MMP26: variants seen among roughly 807,000 people sequenced by gnomAD.
The protein encoded by MMP26 is matrix metallopeptidase 26, also known as matrix metalloproteinase-26.
In MMP26, 33 loss-of-function variants were observed where a neutral mutation model predicts 31.0. That is an observed-to-expected ratio of 1.06 (90% CI 0.81 to 1.42). MMP26 has a LOEUF of 1.42. Among genes scored for constraint, MMP26 ranks in the 40% most tolerant of loss-of-function variants. MMP26 has a pLI of 0.00. For synonymous variants in MMP26, 122 were observed against 114.9 expected (o/e 1.06, Z -0.40); for missense variants, 347 against 316.1 (o/e 1.10, Z -0.74).
chr11:4,856,830 C>G (rs1236217417), intron 2 of MMP26, among the ~76,000 whole-genome samples: 2 of 152,188 alleles, frequency 1.3e-5, no homozygotes, highest in African/African-American at 4.8e-5. Context: ...AAGTAAAGCA[C>G]TCCTCAGCAA....
rs377311197 is a variant in MMP26, at chr11:4,768,316, A to G, written c.-145+975A>G. Reference sequence around the variant, plus strand: ...TTGGACTGTCCAACACTGGATAGTGACTCACATGCCATGACATATCTATTC... The same window carrying G: ...TTGGACTGTCCAACACTGGATAGTGGCTCACATGCCATGACATATCTATTC... On this transcript the variant is annotated intron_variant, in intron 2 of 7. Coordinates refer to ENST00000380390, the MANE Select transcript of MMP26 (RefSeq NM_021801.5). Among the ~76,000 whole-genome samples the G allele has an allele frequency of 2.4e-4, 37 of 152,312 alleles. 1 individual carries two copies. Among genetic ancestry groups the G allele is most frequent in the African/African-American group, 8.9e-4 (37 of 41,558 alleles).
chr11:4,738,961 A>G (rs1848277938), intron 1 of MMP26, among the ~76,000 whole-genome samples: 1 of 150,826 alleles, frequency 6.6e-6, no homozygotes, highest in Admixed American at 6.6e-5. Flanking sequence ...ACCTTGCTAG[A>G]GTTTTTTCTA....
chr11:4,709,709 C>T, intron 1 of MMP26: 1 of 460,034 alleles, frequency 2.2e-6, no homozygotes, highest in African/African-American at 2.0e-5. Context: ...ATGGCATGAT[C>T]CTGTTTGTCA....
intron 1 of MMP26, chr11:4,710,680 T>C: frequency 3.0e-6 from 1 of 338,326 alleles, no homozygotes; most frequent in South Asian, 2.4e-5. Context: ...TGGTGAGTTA[T>C]TTAAGGGCAG....
intron 2 of MMP26, among the ~76,000 whole-genome samples, chr11:4,824,887 T>C (rs1253447235): frequency 1.3e-5 from 2 of 152,126 alleles, no homozygotes. Flanking sequence ...TACTACCACA[T>C]ACTTCCACTG....
At chr11:4,830,808 C>T (rs1424183379) in intron 2 of MMP26, among the ~76,000 whole-genome samples, 1 of 152,168 alleles carries the variant, frequency 6.6e-6, no homozygotes, top group Non-Finnish European at 1.5e-5. Flanking sequence ...GAGACAGACA[C>T]CTGCACTGGT....
At chr11:4,709,742 T>C (rs1847833411) in intron 1 of MMP26, 1 of 461,056 alleles carries the variant, frequency 2.2e-6, no homozygotes, top group South Asian at 1.5e-5. Context: ...CAAGCCTCCA[T>C]GAACCCATGT....
intron 2 of MMP26, among the ~76,000 whole-genome samples, chr11:4,902,265 A>G (rs747133073): frequency 6.7e-6 from 1 of 150,348 alleles, no homozygotes; most frequent in Non-Finnish European, 1.5e-5. Context: ...GCAACCAGTG[A>G]TGTGGTTCCT....
intron 2 of MMP26, among the ~76,000 whole-genome samples, chr11:4,839,198 G>A (rs1030426740): frequency 6.6e-6 from 1 of 152,110 alleles, no homozygotes; most frequent in Admixed American, 6.5e-5. Flanking sequence ...TGGACTTCCT[G>A]TAAACCTCAC....
chr11:4,809,170 T>C (rs1849317379), intron 2 of MMP26, among the ~76,000 whole-genome samples: 1 of 152,152 alleles, frequency 6.6e-6, no homozygotes, highest in Non-Finnish European at 1.5e-5. Context: ...AACACTGCTT[T>C]TAAATCTGTT....
intron 2 of MMP26, among the ~76,000 whole-genome samples, chr11:4,879,804 A>G (rs1000041870): frequency 1.3e-5 from 2 of 152,238 alleles, no homozygotes; most frequent in African/African-American, 4.8e-5. Context: ...GGGATGTAGG[A>G]ATGGCCAGGA....
intron 2 of MMP26, among the ~76,000 whole-genome samples, chr11:4,834,509 A>G (rs563618740): frequency 1.1e-4 from 17 of 152,302 alleles, no homozygotes; most frequent in African/African-American, 3.8e-4. Flanking sequence ...AATAAGATAT[A>G]GTGTAACTCT....
chr11:4,977,900 G>A (rs563294805), intron 2 of MMP26, among the ~76,000 whole-genome samples: 1 of 152,140 alleles, frequency 6.6e-6, no homozygotes, highest in East Asian at 1.9e-4. Flanking sequence ...TGATATGGTA[G>A]GCTTTGTGTC....
intron 2 of MMP26, chr11:4,907,580 A>G (rs200603348): frequency 6.2e-7 from 1 of 1,614,046 alleles, no homozygotes; most frequent in South Asian, 1.1e-5. Context: ...TGTCTCTGAC[A>G]TGGGCCTGTC....
chr11:4,907,943 A>T, intron 2 of MMP26: 2 of 1,614,158 alleles, frequency 1.2e-6, no homozygotes, highest in South Asian at 2.2e-5. Flanking sequence ...CTGCTCTGAC[A>T]ACAAGACCAA....
At chr11:4,716,132 A>C (rs931069447) in intron 1 of MMP26, among the ~76,000 whole-genome samples, 3 of 152,184 alleles carry the variant, frequency 2.0e-5, no homozygotes, top group African/African-American at 7.2e-5. Flanking sequence ...CAAGGAACTA[A>C]ATTCCTACGG....
intron 1 of MMP26, chr11:4,723,048 C>G: frequency 8.8e-7 from 1 of 1,140,614 alleles, no homozygotes; most frequent in Non-Finnish European, 1.3e-6. Context: ...GCCAGTTTGA[C>G]TTTCATCAGC....
rs1358194779 is a variant in MMP26, at chr11:4,847,416, A to T, written c.-145+80075A>T. On this transcript the variant is annotated intron_variant, in intron 2 of 7. Coordinates refer to ENST00000380390, the MANE Select transcript of MMP26 (RefSeq NM_021801.5). ...TTAAGTTTGGGGGATGTAATTTAAGATTATTCTTATTTGTTCTATTTTTTC... is the reference window on the plus strand; with the variant it reads ...TTAAGTTTGGGGGATGTAATTTAAGTTTATTCTTATTTGTTCTATTTTTTC... 7.9e-5 allele frequency: 12 copies of T among 152,160 alleles called. No individual in the cohort carries two copies. The East Asian group carries it at 2.1e-3, about 27-fold the overall frequency. The allele number at this position is 152,160 out of a possible 1,614,324, so 9.4% of individuals were successfully genotyped here. A position where few individuals can be genotyped will look rare whatever the true frequency, so the allele number is the denominator to read the frequency against.
At chr11:4,826,379 G>A (rs945067474) in intron 2 of MMP26, among the ~76,000 whole-genome samples, 4 of 152,076 alleles carry the variant, frequency 2.6e-5, no homozygotes, top group South Asian at 2.1e-4. Context: ...TGGGGCCCCT[G>A]ATGTGCACAC....
Sources: allele counts gnomAD v4.1 joint callset (sites outside exome capture counted in the v4.1 genomes callset), GRCh38; gene constraint gnomAD v4.1.1; transcripts MANE v1.5; gene names NCBI Gene and HGNC (gene_info 2026-07-23, HGNC 2026-07-21).